Variants in PRKD1 observed in about 807,000 individuals in gnomAD.
PRKD1 encodes the protein protein kinase D1.
A neutral mutation model predicts 95.9 loss-of-function variants in PRKD1; 63 were observed. The ratio of observed to expected loss-of-function variants is 0.66; its 90% CI spans 0.54 to 0.81. The LOEUF is 0.81. Among genes scored for constraint, PRKD1 ranks in the 30% least tolerant of loss-of-function variants. The probability of loss-of-function intolerance (pLI) is 0.00; values close to 1 mark genes in which losing one functional copy is unlikely to be tolerated. For synonymous variants in PRKD1, 425 were observed against 423.1 expected, an observed-to-expected ratio of 1.00 and a Z score of -0.05; for missense variants, 1,048 against 1,165.3, an observed-to-expected ratio of 0.90 and a Z score of 1.47.
intron 1 of PRKD1, among the ~76,000 whole-genome samples, chr14:29,920,587 TACACACACACACACAC>T (rs5807556): frequency 2.8e-5 from 4 of 141,310 alleles, no homozygotes; most frequent in Admixed American, 7.1e-5. Context: ...TCCAGTCTAA[TACACACACACACACAC>T]ACACACACAC....
intron 1 of PRKD1, among the ~76,000 whole-genome samples, chr14:29,740,190 T>C (rs980842462): frequency 2.6e-5 from 4 of 152,130 alleles, no homozygotes; most frequent in African/African-American, 9.7e-5. Flanking sequence ...ATGAAAAAAA[T>C]GTACTTCACA....
At chr14:29,822,976 T>C (rs991149309) in intron 1 of PRKD1, among the ~76,000 whole-genome samples, 12 of 152,272 alleles carry the variant, frequency 7.9e-5, no homozygotes, top group African/African-American at 2.6e-4. Flanking sequence ...TAACAAAAGA[T>C]GGATTGAAAA....
rs577331807 is a variant in PRKD1, at chr14:29,676,191, T to G, written c.404-9983A>C. On this transcript the variant is annotated intron_variant, in intron 2 of 17. Transcript: ENST00000331968. ...TAGTTCATTACGTTTTTGTTTTTTT[T>G]TTTTTTTTTTTTGCTGAGTTGTATT... Among the ~76,000 whole-genome samples the G allele has an allele frequency of 1.1e-4, 14 of 124,560 alleles. No homozygotes were observed. The South Asian group carries it at 2.7e-3, about 24-fold the overall frequency. 81.7% of individuals were successfully genotyped at this position (124,560 alleles called of 152,430 possible).
At chr14:29,624,640 T>G (rs555907064) in intron 12 of PRKD1, among the ~76,000 whole-genome samples, 284 of 152,292 alleles carry the variant, frequency 1.9e-3, no homozygotes, top group Middle Eastern at 0.014. Context: ...AGATAATGTA[T>G]GTTATAGGGG....
At chr14:29,785,776 A>T (rs1013345972) in intron 1 of PRKD1, among the ~76,000 whole-genome samples, 1 of 151,858 alleles carries the variant, frequency 6.6e-6, no homozygotes, top group Non-Finnish European at 1.5e-5. Flanking sequence ...TACGTATGTA[A>T]CTAACCTTCA....
Position 29,818,697 on chromosome 14 carries a change from T to C in PRKD1, c.265-93023A>G, listed in dbSNP as rs553398967. On this transcript the variant is annotated intron_variant, in intron 1 of 17. Coordinates refer to ENST00000331968, the MANE Select transcript of PRKD1 (RefSeq NM_002742.3). ...TTCAATATCAATGGAAAGTCACTAATAGTTATTTTATTTCTCCTTGCAGTA... is the reference window on the plus strand; with the variant it reads ...TTCAATATCAATGGAAAGTCACTAACAGTTATTTTATTTCTCCTTGCAGTA... 2.0e-5 allele frequency among the ~76,000 whole-genome samples: 3 copies of C among 151,986 alleles called. No homozygotes were observed. The East Asian group carries it at 5.8e-4, about 29-fold the overall frequency.
intron 1 of PRKD1, among the ~76,000 whole-genome samples, chr14:29,855,417 T>C (rs1042221901): frequency 3.9e-5 from 6 of 152,232 alleles, no homozygotes; most frequent in African/African-American, 1.2e-4. Flanking sequence ...ATGGGGTCTT[T>C]AGCCCCTTTG....
At chr14:29,660,186 T>C (rs2139201837) in intron 4 of PRKD1, among the ~76,000 whole-genome samples, 1 of 152,314 alleles carries the variant, frequency 6.6e-6, no homozygotes, top group African/African-American at 2.4e-5. Flanking sequence ...CTCACAGCAG[T>C]TTTTCCCTTG....
intron 2 of PRKD1, among the ~76,000 whole-genome samples, chr14:29,724,417 T>G (rs775409311): frequency 8.4e-4 from 128 of 152,094 alleles, no homozygotes; most frequent in Non-Finnish European, 1.5e-4. Context: ...GAAAACAACA[T>G]GTCTAGTCCG....
At chr14:29,910,907 C>G (rs1205776066) in intron 1 of PRKD1, among the ~76,000 whole-genome samples, 1 of 151,984 alleles carries the variant, frequency 6.6e-6, no homozygotes, top group Non-Finnish European at 1.5e-5. Context: ...AATTATATGA[C>G]AAGGTGAGAA....
At chr14:29,701,732 C>T (rs980235038) in intron 2 of PRKD1, among the ~76,000 whole-genome samples, 1 of 152,030 alleles carries the variant, frequency 6.6e-6, no homozygotes, top group African/African-American at 2.4e-5. Flanking sequence ...ACTTTTTAGT[C>T]TTTTTGATGC....
intron 1 of PRKD1, among the ~76,000 whole-genome samples, chr14:29,843,764 T>C (rs1891964695): frequency 6.6e-6 from 1 of 152,154 alleles, no homozygotes; most frequent in African/African-American, 2.4e-5. Flanking sequence ...ATAGACCTAA[T>C]AATAAATAAA....
At chr14:29,666,526 A>C (rs1403054401) in intron 2 of PRKD1, among the ~76,000 whole-genome samples, 1 of 152,098 alleles carries the variant, frequency 6.6e-6, no homozygotes, top group Non-Finnish European at 1.5e-5. Context: ...ACCTGATGAT[A>C]CTTAAAAAAT....
At chr14:29,634,197 T>G (rs1880211162) in intron 8 of PRKD1, among the ~76,000 whole-genome samples, 1 of 152,216 alleles carries the variant, frequency 6.6e-6, no homozygotes, top group Admixed American at 6.5e-5. Flanking sequence ...TCAATGAATT[T>G]GTTTGCCTGA....
intron 1 of PRKD1, among the ~76,000 whole-genome samples, chr14:29,799,833 A>T (rs925169459): frequency 2.6e-5 from 4 of 152,210 alleles, no homozygotes; most frequent in African/African-American, 9.6e-5. Context: ...CAATGTACAC[A>T]TTCCCAGCTT....
chr14:29,625,219 G>T (rs1879540875), intron 12 of PRKD1, among the ~76,000 whole-genome samples: 1 of 151,940 alleles, frequency 6.6e-6, no homozygotes, highest in African/African-American at 2.4e-5. Context: ...ATTTCTTACT[G>T]TTTGATTGAC....
chr14:29,763,202 TG>T (rs149505395), intron 1 of PRKD1, among the ~76,000 whole-genome samples: 2,227 of 146,028 alleles, frequency 0.015, 63 homozygotes, highest in African/African-American at 0.05. Context: ...AAAGCTGAGT[TG>T]GGGGAAACGG....
intron 4 of PRKD1, among the ~76,000 whole-genome samples, chr14:29,651,903 C>G (rs1257284886): frequency 6.6e-6 from 1 of 152,112 alleles, no homozygotes; most frequent in Non-Finnish European, 1.5e-5. Context: ...CACCACCATG[C>G]CCAGCTAATT....
rs1883034521 is a variant in PRKD1, at chr14:29,674,351, G to A, written c.404-8143C>T. Among the ~76,000 whole-genome samples the A allele has an allele frequency of 4.6e-5, 7 of 152,126 alleles. No homozygotes were observed. In the South Asian group the frequency reaches 1.5e-3, roughly 32 times the overall value. ...TTCTGGTTAACACTAATTAAATGGAGCTGGGTCCATAGGGCTGTGTCTAGT... is the reference window on the plus strand; with the variant it reads ...TTCTGGTTAACACTAATTAAATGGAACTGGGTCCATAGGGCTGTGTCTAGT... On this transcript the variant is annotated intron_variant, in intron 2 of 17. Transcript: ENST00000331968.
Sources: gnomAD v4.1 joint callset for allele counts (sites outside exome capture counted in the v4.1 genomes callset) on GRCh38, gnomAD v4.1.1 for gene constraint, MANE v1.5 for transcripts, NCBI Gene and HGNC (gene_info 2026-07-23, HGNC 2026-07-21) for gene names.